TNFSF4: variants seen among roughly 807,000 people sequenced by gnomAD.
TNFSF4 encodes TNF superfamily member 4.
TNFSF4 carries 4 observed loss-of-function variants against 7.3 expected under a neutral mutation model. The ratio of observed to expected loss-of-function variants is 0.55; its 90% CI spans 0.27 to 1.25. The LOEUF is 1.25. TNFSF4 is among the 50% of genes most tolerant of loss of function. The probability of loss-of-function intolerance (pLI) is 0.12; values close to 1 mark genes in which losing one functional copy is unlikely to be tolerated. For missense variants in TNFSF4, 181 were observed against 208.8 expected (o/e 0.87, Z 0.82); for synonymous variants, 76 against 83.7 (o/e 0.91, Z 0.50).
At chr1:173,396,953 T>C in the TNFSF4 span, among the ~76,000 whole-genome samples, 2 of 152,270 alleles carry the variant, frequency 1.3e-5, no homozygotes, top group East Asian at 3.9e-4. Flanking sequence ...GAGTTAAGAA[T>C]TAAATGCAGT....
At chr1:173,375,210 C>A in the TNFSF4 span, among the ~76,000 whole-genome samples, 1 of 152,180 alleles carries the variant, frequency 6.6e-6, no homozygotes, top group African/African-American at 2.4e-5. Context: ...TACAGATGGT[C>A]TTATAAATGG....
chr1:173,348,254 G>A, the TNFSF4 span, among the ~76,000 whole-genome samples: 1 of 152,108 alleles, frequency 6.6e-6, no homozygotes, highest in Non-Finnish European at 1.5e-5. Context: ...CTGTTCTCGT[G>A]GTAGTGAATA....
In TNFSF4 at chr1:173,186,832, G is replaced by A; in HGVS notation, c.236C>T (p.Ser79Phe). 3 of 1,608,146 alleles carry A rather than the reference G, an allele frequency of 1.9e-6. 1 individual carries two copies. ...CTTCATGATTTCATCCTCCTTTTGG[G>A]AAGTGAGGATGAAACCTTTCTCCTT... ...YKKEKGFILT[S>F]QKEDEIMKVQ... is the part of the protein sequence containing the mutation. Residue 79 changes from serine (S) to phenylalanine (F), a missense_variant, in exon 3 of 3, where the codon TCC becomes TTC. Coordinates refer to ENST00000281834, the MANE Select transcript of TNFSF4 (RefSeq NM_003326.5).
the TNFSF4 span, among the ~76,000 whole-genome samples, chr1:173,357,208 A>C: frequency 6.6e-6 from 1 of 152,330 alleles, no homozygotes; most frequent in Non-Finnish European, 1.5e-5. Context: ...ATAGCTTAAG[A>C]TGTAGGCCTC....
the TNFSF4 span, among the ~76,000 whole-genome samples, chr1:173,449,295 C>T: frequency 6.6e-6 from 1 of 151,978 alleles, no homozygotes; most frequent in Non-Finnish European, 1.5e-5. Context: ...TCAATTAAAC[C>T]TCTTTTCTTT....
the TNFSF4 span, among the ~76,000 whole-genome samples, chr1:173,239,717 C>T: frequency 2.6e-5 from 4 of 152,088 alleles, no homozygotes; most frequent in Non-Finnish European, 4.4e-5. Flanking sequence ...TGGGAGGAGT[C>T]CAAAGTGGCA....
the TNFSF4 span, chr1:173,417,687 T>G: frequency 6.6e-6 from 1 of 152,068 alleles, no homozygotes; most frequent in Non-Finnish European, 1.5e-5. Context: ...CGTCTTCACC[T>G]CCCTCTTTTT....
chr1:173,420,124 C>T, the TNFSF4 span, among the ~76,000 whole-genome samples: 1 of 151,948 alleles, frequency 6.6e-6, no homozygotes, highest in African/African-American at 2.4e-5. Context: ...TTTGCCTTGT[C>T]CCTGCACTTG....
chr1:173,195,713 A>C (rs1649669201), intron 1 of TNFSF4, among the ~76,000 whole-genome samples: 1 of 152,226 alleles, frequency 6.6e-6, no homozygotes. Flanking sequence ...TGGCAGGAGC[A>C]AATGATACTC....
At chr1:173,375,653 G>C in the TNFSF4 span, among the ~76,000 whole-genome samples, 1 of 149,534 alleles carries the variant, frequency 6.7e-6, no homozygotes, top group Non-Finnish European at 1.5e-5. Flanking sequence ...TCTGTAAAAT[G>C]CACCAATCAG....
chr1:173,334,464 T>C, the TNFSF4 span, among the ~76,000 whole-genome samples: 1 of 152,242 alleles, frequency 6.6e-6, no homozygotes, highest in African/African-American at 2.4e-5. Flanking sequence ...TGAAAGCTTC[T>C]ATATTTGCCC....
At chr1:173,182,676 G>T (rs1399796015), downstream of TNFSF4, among the ~76,000 whole-genome samples, 1 of 152,204 alleles carries the variant, frequency 6.6e-6, no homozygotes, top group African/African-American at 2.4e-5. Context: ...TAACACAAGT[G>T]ATTACAACAA....
At chr1:173,187,819 C>A (rs1336474870) in intron 2 of TNFSF4, among the ~76,000 whole-genome samples, 3 of 152,156 alleles carry the variant, frequency 2.0e-5, no homozygotes, top group Non-Finnish European at 2.9e-5. Context: ...AGCCAAGTAA[C>A]CACATCTTGG....
At chr1:173,435,910 A>C in the TNFSF4 span, among the ~76,000 whole-genome samples, 1 of 152,252 alleles carries the variant, frequency 6.6e-6, no homozygotes, top group Non-Finnish European at 1.5e-5. Flanking sequence ...ACAGAAAAGA[A>C]AACCTAGTAC....
the TNFSF4 span, among the ~76,000 whole-genome samples, chr1:173,176,669 G>A: frequency 6.6e-6 from 1 of 152,066 alleles, no homozygotes; most frequent in East Asian, 1.9e-4. Flanking sequence ...AAGACACATA[G>A]ATACATATGT....
the TNFSF4 span, among the ~76,000 whole-genome samples, chr1:173,433,850 AG>A: frequency 6.6e-6 from 1 of 152,218 alleles, no homozygotes; most frequent in Non-Finnish European, 1.5e-5. Flanking sequence ...ATTTGGAAAT[AG>A]GGTTGTTGCA....
intron 1 of TNFSF4, chr1:173,205,395 T>C: frequency 6.2e-7 from 1 of 1,608,352 alleles, no homozygotes; most frequent in Middle Eastern, 1.7e-4. Flanking sequence ...GATGACTTGT[T>C]GGAAAGGATC....
chr1:173,333,301 C>T, the TNFSF4 span, among the ~76,000 whole-genome samples: 1 of 134,094 alleles, frequency 7.5e-6, no homozygotes, highest in Non-Finnish European at 1.6e-5. Flanking sequence ...GTGGACGGGC[C>T]CCATCCAATC....
the TNFSF4 span, among the ~76,000 whole-genome samples, chr1:173,428,256 C>G: frequency 6.6e-6 from 1 of 152,292 alleles, no homozygotes; most frequent in South Asian, 2.1e-4. Context: ...CTATTATAAT[C>G]TTATGGGACT....
Sources: allele counts gnomAD v4.1 joint callset (sites outside exome capture counted in the v4.1 genomes callset), GRCh38; gene constraint gnomAD v4.1.1; transcripts MANE v1.5; gene names NCBI Gene and HGNC (gene_info 2026-07-23, HGNC 2026-07-21).